The following QPRT variants were observed in gnomAD, a reference collection of about 807,000 sequenced individuals.
The protein encoded by QPRT is nicotinate-nucleotide pyrophosphorylase [carboxylating].
Under a neutral mutation model 19.8 loss-of-function variants are expected in QPRT, and 17 were observed. The observed-to-expected ratio is 0.86, with a 90% CI of 0.59 to 1.29. The LOEUF is 1.29. Ranked by LOEUF, QPRT falls within the 50% of genes most tolerant of loss-of-function variation. The probability of loss-of-function intolerance (pLI) is 0.00; values close to 1 mark genes in which losing one functional copy is unlikely to be tolerated. For missense variants in QPRT, 336 were observed against 405.1 expected, an observed-to-expected ratio of 0.83 and a Z score of 1.46; for synonymous variants, 178 against 191.0, an observed-to-expected ratio of 0.93 and a Z score of 0.56.
chr16:29,683,313 A>G (rs1596786210), intron 1 of QPRT, among the ~76,000 whole-genome samples: 1 of 151,038 alleles, frequency 6.6e-6, no homozygotes, highest in South Asian at 2.1e-4. Flanking sequence ...TACAGGTGTG[A>G]CCACCACGCC....
intron 1 of QPRT, among the ~76,000 whole-genome samples, chr16:29,689,240 G>C (rs1318278676): frequency 6.6e-6 from 1 of 151,884 alleles, no homozygotes; most frequent in Non-Finnish European, 1.5e-5. Context: ...GATTACAGGC[G>C]CCTGCCACCA....
intron 1 of QPRT, 40 bp downstream of exon 1, chr16:29,679,250 C>T (rs1412419635): frequency 6.6e-7 from 1 of 1,511,550 alleles, no homozygotes; most frequent in Admixed American, 1.7e-5. Context: ...TGCACCCATC[C>T]CCCCACTGCC....
chr16:29,686,786 G>A (rs1333478867), intron 1 of QPRT, among the ~76,000 whole-genome samples: 3 of 152,148 alleles, frequency 2.0e-5, no homozygotes, highest in Non-Finnish European at 2.9e-5. Flanking sequence ...GATTATAGGC[G>A]TGAGCCACTG....
intron 1 of QPRT, among the ~76,000 whole-genome samples, chr16:29,686,903 C>A (rs1443111323): frequency 6.6e-6 from 1 of 152,232 alleles, no homozygotes; most frequent in Admixed American, 6.5e-5. Context: ...TTCCATTTTT[C>A]ACTGATTCTC....
At chr16:29,693,668 C>T (rs539710590) in intron 1 of QPRT, among the ~76,000 whole-genome samples, 1 of 151,900 alleles carries the variant, frequency 6.6e-6, no homozygotes, top group African/African-American at 2.4e-5. Context: ...CTCACTGCAA[C>T]CTCTGCTTCC....
rs1044184 is a variant in QPRT, at chr16:29,694,933, C to T, written c.283C>T (p.His95Tyr). 6.2e-7 allele frequency: 1 copy of T among 1,613,068 alleles called. No individual in the cohort carries two copies. ...ARVAEVRGPA[H>Y]CLLLGERVAL... ...AGTGGCCGAGGTCCGGGGCCCTGCC[C>T]ACTGCCTGCTGCTGGGGGAACGGGT... Residue 95 changes from histidine to tyrosine, a missense_variant, in exon 2 of 4, where the codon CAC (histidine) becomes TAC (tyrosine). Physicochemically the swap from His to Tyr is moderately conservative, Grantham distance 83. Coordinates refer to ENST00000395384, the MANE Select transcript of QPRT (RefSeq NM_014298.6).
At chr16:29,680,873 G>A (rs1034209944) in intron 1 of QPRT, among the ~76,000 whole-genome samples, 1 of 152,110 alleles carries the variant, frequency 6.6e-6, no homozygotes, top group African/African-American at 2.4e-5. Context: ...CCCCAGTGGC[G>A]GAGGTTGCAG....
chr16:29,680,171 A>G (rs1210858206), intron 1 of QPRT, among the ~76,000 whole-genome samples: 4 of 151,938 alleles, frequency 2.6e-5, no homozygotes, highest in South Asian at 2.1e-4. Context: ...GTTAGCCAGG[A>G]TGGTCTCATT....
chr16:29,692,002 T>TG (rs1189002598), intron 1 of QPRT, among the ~76,000 whole-genome samples: 1 of 152,168 alleles, frequency 6.6e-6, no homozygotes, highest in African/African-American at 2.4e-5. Flanking sequence ...AAGTGTGCTG[T>TG]GTGCGCGTGC....
chr16:29,686,670 T>A (rs1456743491), intron 1 of QPRT, among the ~76,000 whole-genome samples: 2 of 152,050 alleles, frequency 1.3e-5, no homozygotes, highest in African/African-American at 2.4e-5. Context: ...TAATTTTTTT[T>A]ATTTTTTGTA....
chr16:29,683,500 C>T (rs999375562), intron 1 of QPRT, among the ~76,000 whole-genome samples: 1 of 152,028 alleles, frequency 6.6e-6, no homozygotes, highest in African/African-American at 2.4e-5. Context: ...GGACTACAGG[C>T]GTGTGTCACC....
chr16:29,694,536 C>T, intron 1 of QPRT, 128 bp from the exon 2 acceptor site: 1 of 1,073,424 alleles, frequency 9.3e-7, no homozygotes, highest in Non-Finnish European at 1.3e-6. Context: ...CAGTCCCCCC[C>T]CTGGGACCCC....
Position 29,697,261 on chromosome 16 carries a change from T to C in QPRT, c.744T>C (p.Ser248=), listed in dbSNP as rs1376154233. ...AQFPSVAVEA[S]GGITLDNLPQ... ...TCCCGAGTGTGGCTGTGGAAGCCAG[T>C]GGGGGCATCACCCTGGACAACCTCC... Residue 248 remains serine (S), a synonymous_variant, in exon 4 of 4, where the codon AGT becomes AGC. Coordinates refer to ENST00000395384, the MANE Select transcript of QPRT (RefSeq NM_014298.6). This position sits in a 1 kb window ranked among gnomAD's most constrained non-coding sequence, Gnocchi z 4.4. The C allele has an allele frequency of 1.2e-6, 2 of 1,613,982 alleles. No homozygotes were observed. The highest frequency in any genetic ancestry group is 1.1e-5 in the South Asian group (1 of 91,042).
At chr16:29,693,711 C>T (rs1191461607) in intron 1 of QPRT, among the ~76,000 whole-genome samples, 1 of 151,962 alleles carries the variant, frequency 6.6e-6, no homozygotes, top group Admixed American at 6.6e-5. Flanking sequence ...CTCAGCCTCC[C>T]GAGTAGCTGG....
chr16:29,692,536 G>C (rs529649879), intron 1 of QPRT, among the ~76,000 whole-genome samples: 4 of 148,886 alleles, frequency 2.7e-5, no homozygotes, highest in African/African-American at 5.0e-5. Flanking sequence ...AGCCGAGATC[G>C]CGCCACTGCA....
chr16:29,679,771 A>G (rs1966937267), intron 1 of QPRT, among the ~76,000 whole-genome samples: 1 of 152,130 alleles, frequency 6.6e-6, no homozygotes, highest in Non-Finnish European at 1.5e-5. Flanking sequence ...GCCAGTTGCT[A>G]AAGTGAAGGC....
At chr16:29,686,981 C>T (rs1967181069) in intron 1 of QPRT, among the ~76,000 whole-genome samples, 1 of 152,246 alleles carries the variant, frequency 6.6e-6, no homozygotes. Flanking sequence ...GAGGCAACAG[C>T]GTGGGCAGCT....
chr16:29,684,950 A>C (rs1410503309), intron 1 of QPRT, among the ~76,000 whole-genome samples: 1 of 151,886 alleles, frequency 6.6e-6, no homozygotes, highest in Non-Finnish European at 1.5e-5. Flanking sequence ...CAGTGGGGTC[A>C]CCGCCCCCTC....
At chr16:29,683,603 T>A (rs2142297409) in intron 1 of QPRT, among the ~76,000 whole-genome samples, 1 of 151,910 alleles carries the variant, frequency 6.6e-6, no homozygotes, top group East Asian at 1.9e-4. Flanking sequence ...AAGCGATCCT[T>A]CTGCCTCGGC....
Sources: gnomAD v4.1 joint callset for allele counts (sites outside exome capture counted in the v4.1 genomes callset) on GRCh38, gnomAD v4.1.1 for gene constraint, Gnocchi (gnomAD v3.1) non-coding constraint, MANE v1.5 for transcripts, NCBI Gene and HGNC (gene_info 2026-07-23, HGNC 2026-07-21) for gene names.